Variants in GFRA2 observed in about 807,000 individuals in gnomAD.
GFRA2 encodes GDNF family receptor alpha 2, also known as GDNF family receptor alpha-2.
A neutral mutation model predicts 48.3 loss-of-function variants in GFRA2; 17 were observed. That is an observed-to-expected ratio of 0.35 (90% confidence interval 0.24 to 0.53). The LOEUF is 0.53. Among genes scored for constraint, GFRA2 ranks in the 20% least tolerant of loss-of-function variants. GFRA2 has a pLI of 0.93. For missense variants in GFRA2, 660 were observed against 637.3 expected, an observed-to-expected ratio of 1.04 and a Z score of -0.38; for synonymous variants, 305 against 257.2, an observed-to-expected ratio of 1.19 and a Z score of -1.78.
intron 2 of GFRA2, among the ~76,000 whole-genome samples, chr8:21,779,878 G>C (rs936062310): frequency 1.3e-5 from 2 of 151,836 alleles, no homozygotes; most frequent in East Asian, 3.9e-4. Context: ...CCAGCACCTG[G>C]AGGGAGCATT....
intron 2 of GFRA2, among the ~76,000 whole-genome samples, chr8:21,797,029 G>A (rs1236654496): frequency 1.3e-5 from 2 of 152,202 alleles, no homozygotes; most frequent in South Asian, 2.1e-4. Context: ...ACGTGACAGC[G>A]ATCACACAGT....
intron 1 of GFRA2, 128 bp from the exon 2 acceptor site, chr8:21,783,027 C>T (rs997871584): frequency 3.3e-5 from 28 of 852,988 alleles, no homozygotes; most frequent in Middle Eastern, 2.1e-4. Context: ...ACCAAGGCGA[C>T]TCTGTGGGAC....
chr8:21,761,004 G>A (rs1440824832), intron 3 of GFRA2, among the ~76,000 whole-genome samples: 1 of 152,174 alleles, frequency 6.6e-6, no homozygotes, highest in Admixed American at 6.5e-5. Flanking sequence ...AGCAGGGCTG[G>A]AAGGAAGACA....
chr8:21,723,756 A>G (rs1270502444), intron 4 of GFRA2, among the ~76,000 whole-genome samples: 1 of 152,200 alleles, frequency 6.6e-6, no homozygotes, highest in Admixed American at 6.5e-5. Flanking sequence ...CCTCTTCTCA[A>G]CAGGCTAGAA....
intron 3 of GFRA2, chr8:21,769,243 C>A: frequency 1.1e-6 from 1 of 899,598 alleles, no homozygotes; most frequent in Non-Finnish European, 1.3e-6. Context: ...CTGGCCCCAG[C>A]CCCGCCCCAG....
At chr8:21,757,124 C>T (rs539841403) in intron 3 of GFRA2, among the ~76,000 whole-genome samples, 6 of 152,298 alleles carry the variant, frequency 3.9e-5, no homozygotes, top group Admixed American at 1.3e-4. Context: ...GGGCCAGACC[C>T]GGGGAGCGCA....
At chr8:21,805,439 T>C (rs1807842085) in intron 1 of GFRA2, among the ~76,000 whole-genome samples, 1 of 152,224 alleles carries the variant, frequency 6.6e-6, no homozygotes, top group African/African-American at 2.4e-5. Flanking sequence ...GACTGAGTAC[T>C]TACCAATTAC....
intron 4 of GFRA2, among the ~76,000 whole-genome samples, chr8:21,745,890 G>C (rs1200649609): frequency 6.6e-6 from 1 of 152,198 alleles, no homozygotes; most frequent in Non-Finnish European, 1.5e-5. Flanking sequence ...CATCCACCCT[G>C]ATGAGGCTGG....
rs186807730 is a variant in GFRA2, at chr8:21,701,389, G to A, written c.1218+1416C>T. Among the ~76,000 whole-genome samples the A allele has an allele frequency of 4.0e-3, 604 of 152,262 alleles. 1 individual carries two copies. The highest frequency in any genetic ancestry group is 7.0e-3 in the Non-Finnish European group (478 of 68,022). On this transcript the variant is annotated intron_variant, in intron 7 of 8. Coordinates refer to ENST00000524240, the MANE Select transcript of GFRA2 (RefSeq NM_001495.5). ...AGCCTGGGCGAGACTGCGAGACTCC[G>A]TCTCAAAAAATAAAAAATAAAAAAT...
chr8:21,808,653 G>T (rs115255530), intron 1 of GFRA2, among the ~76,000 whole-genome samples: 2 of 152,342 alleles, frequency 1.3e-5, no homozygotes, highest in African/African-American at 4.8e-5. Flanking sequence ...GCTGCTGGAA[G>T]AGCCTCTATC....
chr8:21,753,845 C>G (rs1006514649), intron 3 of GFRA2, among the ~76,000 whole-genome samples: 1 of 152,120 alleles, frequency 6.6e-6, no homozygotes, highest in Admixed American at 6.5e-5. Flanking sequence ...ATGGCCTCAC[C>G]TCCTATTCCT....
At chr8:21,765,205 G>A (rs36135764) in intron 3 of GFRA2, among the ~76,000 whole-genome samples, 38,353 of 151,562 alleles carry the variant, frequency 0.25, 5,561 homozygotes, top group African/African-American at 0.39. Flanking sequence ...TTGACCTCAC[G>A]GGCTCAAGCA....
At chr8:21,718,098 G>A (rs1478560612) in intron 4 of GFRA2, among the ~76,000 whole-genome samples, 1 of 152,186 alleles carries the variant, frequency 6.6e-6, no homozygotes. Context: ...GATAGGTTTG[G>A]CTGTGTCCCC....
At chr8:21,757,805 A>G (rs1805651585) in intron 3 of GFRA2, among the ~76,000 whole-genome samples, 1 of 152,126 alleles carries the variant, frequency 6.6e-6, no homozygotes, top group Non-Finnish European at 1.5e-5. Flanking sequence ...CTGGACCTAA[A>G]TCCCTTAATT....
At chr8:21,760,057 T>C (rs762451928) in intron 3 of GFRA2, among the ~76,000 whole-genome samples, 16 of 151,724 alleles carry the variant, frequency 1.1e-4, no homozygotes, top group Non-Finnish European at 1.8e-4. Context: ...AGCACAAAGG[T>C]CCTGAGACAG....
intron 2 of GFRA2, among the ~76,000 whole-genome samples, chr8:21,778,700 G>A (rs1470628241): frequency 6.6e-6 from 1 of 152,256 alleles, no homozygotes; most frequent in South Asian, 2.1e-4. Flanking sequence ...AGGACAGCCT[G>A]GGCAATATAG....
chr8:21,767,566 C>A (rs1293874394), intron 3 of GFRA2, among the ~76,000 whole-genome samples: 1 of 152,236 alleles, frequency 6.6e-6, no homozygotes, highest in Non-Finnish European at 1.5e-5. Context: ...CTCAGGGAGC[C>A]CGGAGCCCCA....
chr8:21,784,101 T>A (rs987777011), intron 1 of GFRA2, among the ~76,000 whole-genome samples: 24 of 152,058 alleles, frequency 1.6e-4, no homozygotes, highest in African/African-American at 5.1e-4. Context: ...CACCTTCCCA[T>A]CCTGGCCCCC....
chr8:21,705,951 G>A lies in GFRA2; in HGVS notation c.885C>T (p.Gly295=), dbSNP rs767506969. 6.4e-7 allele frequency: 1 copy of A among 1,565,066 alleles called. No individual in the cohort carries two copies. Among genetic ancestry groups the A allele is most frequent in the South Asian group, 1.2e-5 (1 of 84,832 alleles). The change falls in exon 5 of 9, where the codon GGC becomes GGT. Residue 295 remains glycine (G), a synonymous_variant. Transcript: ENST00000524240. ...CPADNYQACL[G]SYAGMIGFDM... Reference sequence around the variant, plus strand: ...GCTTACCAATCATGCCAGCATAAGAGCCCAGACACGCCTGGTAATTGTCCG... The same window carrying A: ...GCTTACCAATCATGCCAGCATAAGAACCCAGACACGCCTGGTAATTGTCCG...
Sources: gnomAD v4.1 joint callset for allele counts (sites outside exome capture counted in the v4.1 genomes callset) on GRCh38, gnomAD v4.1.1 for gene constraint, MANE v1.5 for transcripts, NCBI Gene and HGNC (gene_info 2026-07-23, HGNC 2026-07-21) for gene names.